The following SAMMSON variants were observed in gnomAD, a reference collection of about 807,000 sequenced individuals.
SAMMSON encodes the protein survival associated mitochondrial melanoma specific oncogenic non-coding RNA.
chr3:70,390,583 A>G (rs1218475405), downstream of SAMMSON, among the ~76,000 whole-genome samples: 1 of 151,974 alleles, frequency 6.6e-6, no homozygotes, highest in Non-Finnish European at 1.5e-5. Flanking sequence ...GAGGATTACC[A>G]CACATTTAAA....
intron 3 of SAMMSON, among the ~76,000 whole-genome samples, chr3:70,064,610 A>G: frequency 6.6e-6 from 1 of 152,074 alleles, no homozygotes; most frequent in East Asian, 1.9e-4. Context: ...TGTACATCAG[A>G]GTGGGGCCAT....
intron 2 of SAMMSON, among the ~76,000 whole-genome samples, chr3:70,408,595 C>T (rs1701194525): frequency 6.6e-6 from 1 of 152,180 alleles, no homozygotes; most frequent in Non-Finnish European, 1.5e-5. Context: ...AGTTCCTCAT[C>T]TCCATCTGAG....
intron 9 of SAMMSON, among the ~76,000 whole-genome samples, chr3:70,363,373 A>C (rs1016031953): frequency 7.2e-5 from 11 of 152,062 alleles, no homozygotes; most frequent in Non-Finnish European, 1.6e-4. Flanking sequence ...AAATGGAAGA[A>C]GAGAAAGTAA....
At chr3:70,093,782 C>T (rs2067313677) in intron 4 of SAMMSON, among the ~76,000 whole-genome samples, 1 of 152,132 alleles carries the variant, frequency 6.6e-6, no homozygotes, top group South Asian at 2.1e-4. Flanking sequence ...CTCAGAAATA[C>T]TTCTGAAGAA....
intron 7 of SAMMSON, among the ~76,000 whole-genome samples, chr3:70,352,312 G>A (rs1169434332): frequency 1.3e-5 from 2 of 152,004 alleles, no homozygotes; most frequent in Non-Finnish European, 1.5e-5. Context: ...TAAAAGGAGA[G>A]CAGATTTCTC....
chr3:70,383,352 A>AT (rs1463109913), intron 9 of SAMMSON, among the ~76,000 whole-genome samples: 1 of 151,440 alleles, frequency 6.6e-6, no homozygotes, highest in Non-Finnish European at 1.5e-5. Context: ...AAAAATAAAA[A>AT]AAAAAAACAA....
intron 4 of SAMMSON, among the ~76,000 whole-genome samples, chr3:70,087,197 A>G (rs917666397): frequency 2.0e-5 from 3 of 152,156 alleles, no homozygotes; most frequent in African/African-American, 7.2e-5. Flanking sequence ...TGGTTAAAGG[A>G]TACTTTCCTT....
chr3:70,351,024 A>G lies in SAMMSON; in HGVS notation n.740-3151A>G, dbSNP rs913944621. ...GAGCAGTGGTTCTATAGTACTCATA[A>G]TATGTACCTGAAATATATCCTATTT... On this transcript the variant is annotated intron_variant and non_coding_transcript_variant, in intron 7 of 9. Transcript: ENST00000642114. Among the ~76,000 whole-genome samples the G allele has an allele frequency of 3.3e-5, 5 of 152,188 alleles. No homozygotes were observed. The South Asian group carries it at 6.2e-4, about 19-fold the overall frequency.
intron 6 of SAMMSON, among the ~76,000 whole-genome samples, chr3:70,281,576 C>A (rs887931794): frequency 1.3e-5 from 2 of 151,992 alleles, no homozygotes; most frequent in African/African-American, 4.8e-5. Context: ...TCAAAACAAA[C>A]AAACAAATTG....
intron 6 of SAMMSON, chr3:70,272,205 A>T (rs1701982272): frequency 6.6e-6 from 1 of 152,224 alleles, no homozygotes; most frequent in Non-Finnish European, 1.5e-5. Flanking sequence ...TGGGGGTTTG[A>T]CAAAAGTGCA....
intron 2 of SAMMSON, among the ~76,000 whole-genome samples, chr3:70,419,995 G>GA (rs756938675): frequency 5.9e-5 from 9 of 152,214 alleles, no homozygotes; most frequent in Non-Finnish European, 1.3e-4. Context: ...CTTCATTGAA[G>GA]AAAAGGATTA....
intron 4 of SAMMSON, chr3:70,206,633 T>C (rs1455984080): frequency 7.5e-6 from 3 of 397,802 alleles, no homozygotes; most frequent in Non-Finnish European, 1.3e-5. Context: ...TTTGGCATTC[T>C]TCAAGGGAGG....
intron 3 of SAMMSON, among the ~76,000 whole-genome samples, chr3:70,039,562 C>A (rs553885691): frequency 6.7e-6 from 1 of 148,186 alleles, no homozygotes; most frequent in East Asian, 2.1e-4. Flanking sequence ...TAATTGCAAT[C>A]GTGTGATCCA....
chr3:70,060,820 G>A (rs2067184960), intron 3 of SAMMSON, among the ~76,000 whole-genome samples: 1 of 152,056 alleles, frequency 6.6e-6, no homozygotes, highest in Non-Finnish European at 1.5e-5. Flanking sequence ...GTCCATATTA[G>A]CAAAGCTTAG....
intron 7 of SAMMSON, among the ~76,000 whole-genome samples, chr3:70,330,884 T>C (rs574752254): frequency 6.6e-6 from 1 of 152,132 alleles, no homozygotes; most frequent in Non-Finnish European, 1.5e-5. Flanking sequence ...TTGAAGTGAA[T>C]GAAAATAAAT....
intron 4 of SAMMSON, among the ~76,000 whole-genome samples, chr3:70,072,897 A>T (rs1025950882): frequency 6.6e-6 from 1 of 152,086 alleles, no homozygotes; most frequent in Non-Finnish European, 1.5e-5. Flanking sequence ...GTAGGGCAAT[A>T]GTCCTATTGA....
intron 3 of SAMMSON, chr3:70,030,712 A>T (rs953371656): frequency 2.6e-5 from 4 of 152,182 alleles, no homozygotes; most frequent in Middle Eastern, 3.2e-3. Flanking sequence ...AAATAATCCA[A>T]TTCAAAAATG....
chr3:70,025,489 C>T (rs546939481), intron 3 of SAMMSON, among the ~76,000 whole-genome samples: 6 of 152,234 alleles, frequency 3.9e-5, no homozygotes, highest in East Asian at 3.9e-4. Flanking sequence ...GTGATCCACC[C>T]GCCTCGGCCT....
At chr3:70,100,426 G>T (rs764162585) in intron 4 of SAMMSON, among the ~76,000 whole-genome samples, 2 of 151,870 alleles carry the variant, frequency 1.3e-5, no homozygotes, top group Non-Finnish European at 2.9e-5. Context: ...GGGATTGCAG[G>T]CATGAGCCAC....
Sources: gnomAD v4.1 joint callset for allele counts (sites outside exome capture counted in the v4.1 genomes callset) on GRCh38, gnomAD v4.1.1 for gene constraint, MANE v1.5 for transcripts, NCBI Gene and HGNC (gene_info 2026-07-23, HGNC 2026-07-21) for gene names.